APOBEC3A: variants seen among roughly 807,000 people sequenced by gnomAD.
The protein encoded by APOBEC3A is apolipoprotein B mRNA editing enzyme catalytic subunit 3A.
A neutral mutation model predicts 23.0 loss-of-function variants in APOBEC3A; 13 were observed. That is an observed-to-expected ratio of 0.57 (90% CI 0.37 to 0.90). APOBEC3A has a LOEUF of 0.90. APOBEC3A is among the 40% of genes least tolerant of loss of function. The probability of loss-of-function intolerance (pLI) is 0.01; values close to 1 mark genes in which losing one functional copy is unlikely to be tolerated. For missense variants in APOBEC3A, 179 were observed against 264.9 expected (o/e 0.68, Z 2.25); for synonymous variants, 74 against 101.3 (o/e 0.73, Z 1.62).
At position 38,961,623 on chromosome 22, in the gene APOBEC3A, G is replaced by C. The variant is rs761457321; in HGVS notation, c.411G>C (p.Lys137Asn). 5.4e-6 allele frequency: 8 copies of C among 1,477,696 alleles called. 1 individual carries two copies. The Admixed American group carries it at 1.2e-4, about 23-fold the overall frequency. The allele number at this position is 1,477,696 out of a possible 1,614,324, so 91.5% of individuals were successfully genotyped here. Reference protein sequence around the residue: ...ARIYDYDPLYKEALQMLRDAG... With the variant: ...ARIYDYDPLYNEALQMLRDAG... ...TCTATGATTACGACCCCCTATATAA[G>C]GAGGCACTGCAAATGCTGCGGGATG... Residue 137 changes from lysine (K) to asparagine (N), a missense_variant, in exon 3 of 5, where the codon AAG (lysine) becomes AAC (asparagine). Physicochemically the swap from Lys to Asn is moderately conservative, Grantham distance 94. Around this residue, in one of 5 missense-constraint regions of APOBEC3A, gnomAD observed 37 missense variants for 47.8 expected, o/e 0.77. Coordinates refer to ENST00000249116, the MANE Select transcript of APOBEC3A (RefSeq NM_145699.4).
At position 38,959,596 on chromosome 22, in the gene APOBEC3A, G is replaced by C. The variant is rs898897165; in HGVS notation, c.84G>C (p.Arg28Ser). ...FTSNFNNGIG[R>S]HKTYLCYEVE... ...CCAACTTTAACAATGGCATTGGAAG[G>C]CATAAGACCTACCTGTGCTACGAAG... Residue 28 changes from arginine (R) to serine (S), a missense_variant, in exon 2 of 5, where the codon AGG (arginine) becomes AGC (serine). This residue lies in a region of APOBEC3A where 87 missense variants were observed against 74.5 expected (regional missense o/e 1.17). Coordinates refer to ENST00000249116, the MANE Select transcript of APOBEC3A (RefSeq NM_145699.4). 4 of 1,613,940 alleles carry C rather than the reference G, an allele frequency of 2.5e-6. No homozygotes were observed. In the African/African-American group the frequency reaches 5.3e-5, roughly 22 times the overall value.
intron 1 of APOBEC3A, among the ~76,000 whole-genome samples, chr22:38,958,688 CTTT>C (rs1219437042): frequency 7.9e-6 from 1 of 126,378 alleles, no homozygotes; most frequent in African/African-American, 3.0e-5. Flanking sequence ...TCCTTCCTTT[CTTT>C]TTTCTTTCTT....
intron 1 of APOBEC3A, among the ~76,000 whole-genome samples, chr22:38,958,685 TTTC>T (rs919959727): frequency 2.7e-5 from 4 of 150,498 alleles, no homozygotes; most frequent in East Asian, 2.0e-4. Flanking sequence ...TTTTCCTTCC[TTTC>T]TTTTTTCTTT....
intron 1 of APOBEC3A, among the ~76,000 whole-genome samples, chr22:38,959,096 C>G (rs1241541040): frequency 8.5e-5 from 13 of 152,254 alleles, no homozygotes; most frequent in South Asian, 6.2e-4. Flanking sequence ...GCAGGTTCCT[C>G]TCCCCAGTCA....
chr22:38,957,683 G>A lies in APOBEC3A; in HGVS notation c.-9G>A, dbSNP rs975004298. 3.1e-6 allele frequency: 5 copies of A among 1,612,822 alleles called. No homozygotes were observed. The highest frequency in any genetic ancestry group is 4.2e-6 in the Non-Finnish European group (5 of 1,179,392). On this transcript the variant is annotated 5_prime_UTR_variant, in exon 1 of 5. Transcript: ENST00000249116. ...GGACACAGACCAGGAACCGAGAAGG[G>A]ACAAGCACATGGAAGCCAGCCCAGC...
rs982883681 is a variant in APOBEC3A, at chr22:38,962,720, A to T, written c.*211A>T. 7.8e-7 allele frequency: 1 copy of T among 1,277,822 alleles called. No individual in the cohort carries two copies. The highest frequency in any genetic ancestry group is 3.2e-5 in the East Asian group (1 of 31,674). The allele number at this position is 1,277,822 out of a possible 1,614,324, so 79.2% of individuals were successfully genotyped here. A position where few individuals can be genotyped will look rare whatever the true frequency, so the allele number is the denominator to read the frequency against. On this transcript the variant is annotated 3_prime_UTR_variant, in exon 5 of 5. Coordinates refer to ENST00000249116, the MANE Select transcript of APOBEC3A (RefSeq NM_145699.4). ...CACGCCTGTAATCCCAGCACTTTGG[A>T]GGCCAAGGCGGGTGGATCACGAGGT...
At chr22:38,959,066 T>C (rs1922743155) in intron 1 of APOBEC3A, among the ~76,000 whole-genome samples, 2 of 152,096 alleles carry the variant, frequency 1.3e-5, no homozygotes, top group Admixed American at 1.3e-4. Flanking sequence ...TCCTATGAAT[T>C]ACCCGAAAAG....
rs1457092165 is a variant in APOBEC3A, at chr22:38,962,732, G to A, written c.*223G>A. Reference sequence around the variant, plus strand: ...CCCAGCACTTTGGAGGCCAAGGCGGGTGGATCACGAGGTCAGGAGATCGAG... The same window carrying A: ...CCCAGCACTTTGGAGGCCAAGGCGGATGGATCACGAGGTCAGGAGATCGAG... On this transcript the variant is annotated 3_prime_UTR_variant, in exon 5 of 5. Transcript: ENST00000249116. 8 of 1,174,816 alleles carry A rather than the reference G, an allele frequency of 6.8e-6. No individual in the cohort carries two copies. Among genetic ancestry groups the A allele is most frequent in the Admixed American group, 5.6e-5 (2 of 35,606 alleles). 72.8% of individuals were successfully genotyped at this position (1,174,816 alleles called of 1,614,324 possible). A position where few individuals can be genotyped will look rare whatever the true frequency, so the allele number is the denominator to read the frequency against.
At position 38,962,617 on chromosome 22, in the gene APOBEC3A, C is replaced by A. The variant is rs1393613181; in HGVS notation, c.*108C>A. 2 of 1,585,380 alleles carry A rather than the reference C, an allele frequency of 1.3e-6. No individual in the cohort carries two copies. Among genetic ancestry groups the A allele is most frequent in the Non-Finnish European group, 1.7e-6 (2 of 1,167,542 alleles). ...GACCGTTCACCACCATCTCCAGCTG[C>A]TCACAGACGCCAGCAAAGCAGTATG... On this transcript the variant is annotated 3_prime_UTR_variant, in exon 5 of 5. Transcript: ENST00000249116.
Position 38,962,746 on chromosome 22 carries a change from C to G in APOBEC3A, c.*237C>G. The stretch of plus-strand genomic sequence containing the variant: ...GGCCAAGGCGGGTGGATCACGAGGT[C>G]AGGAGATCGAGACCATCCTGGCTAA... On this transcript the variant is annotated 3_prime_UTR_variant, in exon 5 of 5. Transcript: ENST00000249116. 9.6e-7 allele frequency: 1 copy of G among 1,042,678 alleles called. No homozygotes were observed. The highest frequency in any genetic ancestry group is 1.3e-6 in the Non-Finnish European group (1 of 748,990). The allele number at this position is 1,042,678 out of a possible 1,614,324, so 64.6% of individuals were successfully genotyped here. A position where few individuals can be genotyped will look rare whatever the true frequency, so the allele number is the denominator to read the frequency against.
chr22:38,961,763 T>C lies in APOBEC3A; in HGVS notation c.469+82T>C, dbSNP rs1442585120. 5 of 1,080,130 alleles carry C rather than the reference T, an allele frequency of 4.6e-6. No homozygotes were observed. In the East Asian group the frequency reaches 1.3e-4, roughly 28 times the overall value. 66.9% of individuals were successfully genotyped at this position (1,080,130 alleles called of 1,614,324 possible). ...GAAGAAAAGGAGAAAGGCCTTGGTC[T>C]GCTGCCTGCAGAAACGATGGCTGGA... On this transcript the variant is annotated intron_variant, in intron 3 of 4. Coordinates refer to ENST00000249116, the MANE Select transcript of APOBEC3A (RefSeq NM_145699.4).
chr22:38,960,188 G>T (rs370149028), intron 2 of APOBEC3A, among the ~76,000 whole-genome samples: 2 of 152,322 alleles, frequency 1.3e-5, no homozygotes, highest in East Asian at 3.9e-4. Context: ...AGGCTGAGGG[G>T]CCCTGAGCCC....
chr22:38,962,159 T>C lies in APOBEC3A; in HGVS notation c.531T>C (p.Asp177=). 6.2e-7 allele frequency: 1 copy of C among 1,613,410 alleles called. No homozygotes were observed. The part of the protein sequence containing the change: ...DHQGCPFQPW[D]GLDEHSQALS... Reference sequence around the variant, plus strand: ...AGGGATGTCCCTTCCAGCCCTGGGATGGACTAGATGAGCACAGCCAAGCCC... The same window carrying C: ...AGGGATGTCCCTTCCAGCCCTGGGACGGACTAGATGAGCACAGCCAAGCCC... Residue 177 remains aspartate (D), a synonymous_variant, in exon 4 of 5, where the codon GAT becomes GAC. Transcript: ENST00000249116.
At position 38,962,022 on chromosome 22, in the gene APOBEC3A, C is replaced by G. The variant is rs576096685; in HGVS notation, c.470-76C>G. On this transcript the variant is annotated intron_variant, in intron 3 of 4. Coordinates refer to ENST00000249116, the MANE Select transcript of APOBEC3A (RefSeq NM_145699.4). ...TGAAACCAGGATGTGGGAAGTCTGT[C>G]CTGAGAGTCATGGGCCCTAGGTGCC... is the stretch of plus-strand genomic sequence containing the variant. 1.2e-4 allele frequency: 179 copies of G among 1,539,448 alleles called. 1 individual carries two copies. In the East Asian group the frequency reaches 1.5e-3, roughly 13 times the overall value.
chr22:38,959,473 G>A, intron 1 of APOBEC3A, 69 bp from the exon 2 acceptor site: 1 of 1,560,236 alleles, frequency 6.4e-7, no homozygotes, highest in Non-Finnish European at 8.8e-7. Context: ...GAAGTGTGGG[G>A]AGGGAGGAGG....
chr22:38,960,287 C>T (rs756249154), intron 2 of APOBEC3A, among the ~76,000 whole-genome samples: 1 of 152,190 alleles, frequency 6.6e-6, no homozygotes, highest in Non-Finnish European at 1.5e-5. Flanking sequence ...AAACTGGGAC[C>T]TTCTCTGGGC....
intron 1 of APOBEC3A, 67 bp downstream of exon 1, chr22:38,957,787 C>T: frequency 6.4e-7 from 1 of 1,566,104 alleles, no homozygotes. Context: ...GATGAGCACT[C>T]ACCTCTCACC....
Position 38,962,086 on chromosome 22 carries a change from G to A in APOBEC3A, c.470-12G>A. 2 of 1,604,628 alleles carry A rather than the reference G, an allele frequency of 1.2e-6. No homozygotes were observed. The highest frequency in any genetic ancestry group is 1.7e-6 in the Non-Finnish European group (2 of 1,173,864). On this transcript the variant is annotated splice_polypyrimidine_tract_variant and intron_variant, in intron 3 of 4. Coordinates refer to ENST00000249116, the MANE Select transcript of APOBEC3A (RefSeq NM_145699.4). The stretch of plus-strand genomic sequence containing the variant: ...AGCGGGAGCGTGACTTATCTCCCCT[G>A]TCCCTTTTCAGAATTTAAGCACTGC...
Position 38,957,626 on chromosome 22 carries a change from C to T in APOBEC3A, c.-66C>T. The stretch of plus-strand genomic sequence containing the variant: ...AAGAGAATGTTGGTGAAGATCTTAA[C>T]ACCACGCCTTGAGCAAGTCGCAAGA... On this transcript the variant is annotated 5_prime_UTR_variant, in exon 1 of 5. Transcript: ENST00000249116. 1.9e-6 allele frequency: 3 copies of T among 1,585,934 alleles called. No individual in the cohort carries two copies. The highest frequency in any genetic ancestry group is 2.6e-6 in the Non-Finnish European group (3 of 1,162,792).
Sources: gnomAD v4.1 joint callset for allele counts (sites outside exome capture counted in the v4.1 genomes callset) on GRCh38, gnomAD v4.1.1 for gene constraint, gnomAD v4.1.1 regional missense constraint, MANE v1.5 for transcripts, NCBI Gene and HGNC (gene_info 2026-07-23, HGNC 2026-07-21) for gene names.